Variants in UNC79 observed in about 807,000 individuals in gnomAD.
UNC79 encodes protein unc-79 homolog.
A neutral mutation model predicts 283.1 loss-of-function variants in UNC79; 37 were observed. The ratio of observed to expected loss-of-function variants is 0.13; its 90% CI spans 0.10 to 0.17. The LOEUF is 0.17. UNC79 is among the 10% of genes least tolerant of loss of function. The pLI, the probability that UNC79 is intolerant of heterozygous loss-of-function variation, is 1.00. For synonymous variants in UNC79, 1,107 were observed against 1,200.2 expected (o/e 0.92, Z 1.61); for missense variants, 2,272 against 3,211.1 (o/e 0.71, Z 7.07).
intron 13 of UNC79, among the ~76,000 whole-genome samples, chr14:93,541,712 A>C (rs769978040): frequency 6.6e-6 from 1 of 152,238 alleles, no homozygotes; most frequent in African/African-American, 2.4e-5. Flanking sequence ...TGTTTTAAAA[A>C]GTCTATTTAT....
chr14:93,563,270 C>T (rs1376793307), intron 14 of UNC79, among the ~76,000 whole-genome samples: 1 of 152,168 alleles, frequency 6.6e-6, no homozygotes, highest in Non-Finnish European at 1.5e-5. Flanking sequence ...GCTACCTTAT[C>T]AGCAGAAGTG....
chr14:93,653,725 C>A lies in UNC79; in HGVS notation c.6084-17C>A. 6.2e-7 allele frequency: 1 copy of A among 1,606,540 alleles called. No homozygotes were observed. The highest frequency in any genetic ancestry group is 8.5e-7 in the Non-Finnish European group (1 of 1,174,736). On this transcript the variant is annotated splice_polypyrimidine_tract_variant and intron_variant, in intron 35 of 48. Transcript: ENST00000555664. Reference sequence around the variant, plus strand: ...TGGCCCATGACTTCGTGTCTTTTCTCCCCTGTTCAACTCCAGCATGATGGT... The same window carrying A: ...TGGCCCATGACTTCGTGTCTTTTCTACCCTGTTCAACTCCAGCATGATGGT...
chr14:93,676,942 C>G (rs2073394179), intron 41 of UNC79, among the ~76,000 whole-genome samples: 1 of 152,088 alleles, frequency 6.6e-6, no homozygotes. Flanking sequence ...TACAAAACAT[C>G]AAGTTGTAAA....
chr14:93,357,393 C>G (rs1399072215), intron 1 of UNC79, among the ~76,000 whole-genome samples: 2 of 151,982 alleles, frequency 1.3e-5, no homozygotes, highest in South Asian at 4.1e-4. Flanking sequence ...ACATTTCAGT[C>G]AGTGGGCTGC....
At position 93,621,391 on chromosome 14, in the gene UNC79, G is replaced by A. The variant is rs1045268942; in HGVS notation, c.4388-230G>A. On this transcript the variant is annotated intron_variant, in intron 29 of 48. Transcript: ENST00000555664. This position sits in a 1 kb window ranked among gnomAD's most constrained non-coding sequence, Gnocchi z 4.8. ...GAGCTGAGGAATTATCCCGAAGCCC[G>A]ATTTTGGAAATCAGATCTTAAACTG... 6.6e-6 allele frequency among the ~76,000 whole-genome samples: 1 copy of A among 152,148 alleles called. No homozygotes were observed. Among genetic ancestry groups the A allele is most frequent in the African/African-American group, 2.4e-5 (1 of 41,430 alleles).
intron 1 of UNC79, among the ~76,000 whole-genome samples, chr14:93,370,511 G>A (rs755167620): frequency 2.0e-5 from 3 of 152,232 alleles, no homozygotes; most frequent in Admixed American, 1.3e-4. Context: ...GCTGGCTCAC[G>A]CCTGTAATCC....
intron 1 of UNC79, among the ~76,000 whole-genome samples, chr14:93,346,080 CAA>C (rs1491555877): frequency 1.3e-5 from 2 of 151,738 alleles, no homozygotes; most frequent in Non-Finnish European, 2.9e-5. Context: ...AAATGGAGAC[CAA>C]TATATATATA....
chr14:93,392,552 C>T (rs2054905734), intron 1 of UNC79, among the ~76,000 whole-genome samples: 1 of 152,108 alleles, frequency 6.6e-6, no homozygotes, highest in Non-Finnish European at 1.5e-5. Flanking sequence ...CTCTTCAGTC[C>T]ATTCTTTTTT....
chr14:93,592,516 A>G (rs1040732253), intron 22 of UNC79, among the ~76,000 whole-genome samples: 2 of 152,098 alleles, frequency 1.3e-5, no homozygotes, highest in Non-Finnish European at 2.9e-5. Flanking sequence ...TTTAGGCTAC[A>G]TGGTTCATCT....
At chr14:93,348,574 C>A (rs150094445) in intron 1 of UNC79, among the ~76,000 whole-genome samples, 1 of 152,124 alleles carries the variant, frequency 6.6e-6, no homozygotes, top group Non-Finnish European at 1.5e-5. Context: ...TGCCATGCCA[C>A]ACTTCACAAT....
intron 45 of UNC79, chr14:93,691,486 G>A (rs1295094002): frequency 5.3e-6 from 3 of 565,144 alleles, no homozygotes; most frequent in Non-Finnish European, 9.5e-6. Context: ...AAGGGCAAGG[G>A]GGTGGGTAGA....
At chr14:93,647,814 C>G (rs113659162) in intron 35 of UNC79, among the ~76,000 whole-genome samples, 2,507 of 152,300 alleles carry the variant, frequency 0.016, 68 homozygotes, top group African/African-American at 0.057. Flanking sequence ...GTTTAATTGA[C>G]TCACAGTTCC....
intron 22 of UNC79, among the ~76,000 whole-genome samples, chr14:93,590,221 T>C (rs2064557327): frequency 6.6e-6 from 1 of 152,284 alleles, no homozygotes; most frequent in African/African-American, 2.4e-5. Flanking sequence ...GAGGTTCTGA[T>C]TGCACATGAA....
chr14:93,662,544 T>G (rs2071709585), intron 39 of UNC79, 60 bp from the exon 43 acceptor site: 6 of 1,167,236 alleles, frequency 5.1e-6, no homozygotes, highest in Non-Finnish European at 4.9e-6. Flanking sequence ...AAGATTTTAA[T>G]ACTTTTTTTG....
At chr14:93,645,152 T>C (rs1188958121) in intron 34 of UNC79, among the ~76,000 whole-genome samples, 1 of 152,214 alleles carries the variant, frequency 6.6e-6, no homozygotes, top group African/African-American at 2.4e-5. Flanking sequence ...TGTTATCATC[T>C]CTTTGAAACA....
At chr14:93,622,427 C>A in exon 30 of UNC79, 1 of 1,614,180 alleles carries the variant, frequency 6.2e-7, no homozygotes, top group Non-Finnish European at 8.5e-7. Flanking sequence ...GCCAGAGGAG[C>A]TGCCAGAGTT....
At chr14:93,395,171 C>T (rs954385316) in intron 1 of UNC79, among the ~76,000 whole-genome samples, 1 of 152,026 alleles carries the variant, frequency 6.6e-6, no homozygotes, top group African/African-American at 2.4e-5. Flanking sequence ...CTGAAGGACA[C>T]TCTTTAATAT....
At chr14:93,522,762 T>A (rs1179123463) in intron 7 of UNC79, among the ~76,000 whole-genome samples, 2 of 152,144 alleles carry the variant, frequency 1.3e-5, no homozygotes, top group African/African-American at 4.8e-5. Flanking sequence ...CTGGTCTGTA[T>A]TTCTTGTCTT....
rs559774364 is a variant in UNC79 at position 93,562,821 on chromosome 14, C to T, written c.1756-9073C>T. ...CATCCAGTGAAAGTGTCTACCCAGACCAAGAGGTATTTTAGTTTCCTGACT... is the reference window on the plus strand; with the variant it reads ...CATCCAGTGAAAGTGTCTACCCAGATCAAGAGGTATTTTAGTTTCCTGACT... On this transcript the variant is annotated intron_variant, in intron 14 of 48. Transcript: ENST00000555664. Among the ~76,000 whole-genome samples the T allele has an allele frequency of 5.3e-5, 8 of 152,122 alleles. No individual in the cohort carries two copies. In the East Asian group the frequency reaches 1.5e-3, roughly 29 times the overall value.
Sources: gnomAD v4.1 joint callset for allele counts (sites outside exome capture counted in the v4.1 genomes callset) on GRCh38, gnomAD v4.1.1 for gene constraint, Gnocchi (gnomAD v3.1) non-coding constraint, MANE v1.5 for transcripts, NCBI Gene and HGNC (gene_info 2026-07-23, HGNC 2026-07-21) for gene names.